The following SLC35F5 variants were observed in gnomAD, a reference collection of about 807,000 sequenced individuals.
The protein encoded by SLC35F5 is HCV NS5A-transactivated protein 3.
In SLC35F5, 54 loss-of-function variants were observed where a neutral mutation model predicts 68.6. That is an observed-to-expected ratio of 0.79 (90% confidence interval 0.63 to 0.99). SLC35F5 has a LOEUF of 0.99. SLC35F5 is among the 50% of genes least tolerant of loss of function. The pLI is 0.00. For synonymous variants in SLC35F5, 211 were observed against 205.2 expected, an observed-to-expected ratio of 1.03 and a Z score of -0.24; for missense variants, 567 against 626.9, an observed-to-expected ratio of 0.90 and a Z score of 1.02.
chr2:113,744,710 G>A (rs187109480), intron 5 of SLC35F5, among the ~76,000 whole-genome samples: 5 of 152,172 alleles, frequency 3.3e-5, no homozygotes, highest in South Asian at 2.1e-4. Flanking sequence ...CTGAGATTGC[G>A]CCACTGCACT....
At chr2:113,756,205 G>C in intron 1 of SLC35F5, 165 bp downstream of exon 1, 1 of 1,497,214 alleles carries the variant, frequency 6.7e-7, no homozygotes, top group Non-Finnish European at 8.9e-7. Context: ...GTGGGCGCAG[G>C]GCTCCGGCGC....
rs764014189 is a variant in SLC35F5, at chr2:113,729,420, C to T, written c.1071G>A (p.Leu357=). 1.9e-6 allele frequency: 3 copies of T among 1,555,938 alleles called. No individual in the cohort carries two copies. Among genetic ancestry groups the T allele is most frequent in the South Asian group, 1.2e-5 (1 of 86,484 alleles). ...TCTTACCAAAGAACATTGGAATATC[C>T]AACTTGTCTTCTCTATCTACTTTTC... ...IKRKVDREDK[L]DIPMFFGFVG... is the part of the protein sequence containing the mutation. The change falls in exon 11 of 16, where the codon TTG becomes TTA. Residue 357 remains leucine, a synonymous_variant. Coordinates refer to ENST00000245680, the MANE Select transcript of SLC35F5 (RefSeq NM_025181.5).
intron 10 of SLC35F5, 66 bp downstream of exon 10, chr2:113,731,518 A>C: frequency 7.7e-7 from 1 of 1,290,572 alleles, no homozygotes; most frequent in Non-Finnish European, 1.1e-6. Flanking sequence ...TCATCTGTGC[A>C]CATGAGCACG....
chr2:113,751,073 AAGGTTGAGGCTGCAGTG>A, intron 3 of SLC35F5, among the ~76,000 whole-genome samples: 1 of 152,260 alleles, frequency 6.6e-6, no homozygotes, highest in East Asian at 1.9e-4. Context: ...TGAGTTCACA[AAGGTTGAGGCTGCAGTG>A]AGCCATGGTC....
chr2:113,744,775 T>G (rs1471947685), intron 5 of SLC35F5, among the ~76,000 whole-genome samples: 2 of 152,098 alleles, frequency 1.3e-5, no homozygotes, highest in Admixed American at 6.6e-5. Flanking sequence ...ATATTTATAC[T>G]TTTAGAGAAT....
rs1264773232 is a variant in SLC35F5 at position 113,722,244 on chromosome 2, G to T, written c.1341+860C>A. 2.6e-5 allele frequency among the ~76,000 whole-genome samples: 4 copies of T among 152,160 alleles called. No individual in the cohort carries two copies. In the South Asian group the frequency reaches 8.3e-4, roughly 31 times the overall value. On this transcript the variant is annotated intron_variant, in intron 13 of 15. Coordinates refer to ENST00000245680, the MANE Select transcript of SLC35F5 (RefSeq NM_025181.5). ...CCTGCCTCGGCCTCCCAAGTGCTGG[G>T]ATTACAGGCGTGAGCCACTGTGCCT... is the stretch of plus-strand genomic sequence containing the variant.
intron 14 of SLC35F5, among the ~76,000 whole-genome samples, chr2:113,718,873 GAA>G (rs1687287657): frequency 3.2e-5 from 1 of 31,742 alleles, no homozygotes; most frequent in African/African-American, 9.2e-5. Flanking sequence ...GAAAAAGAAA[GAA>G]AGAAAGAAAG....
At chr2:113,736,349 G>A (rs113872285) in intron 7 of SLC35F5, among the ~76,000 whole-genome samples, 222 of 151,788 alleles carry the variant, frequency 1.5e-3, no homozygotes, top group African/African-American at 4.1e-3. Flanking sequence ...GGAGGCTGAG[G>A]TGGGAAGATT....
At chr2:113,729,956 T>A (rs2104433569) in intron 10 of SLC35F5, among the ~76,000 whole-genome samples, 2 of 152,322 alleles carry the variant, frequency 1.3e-5, no homozygotes, top group Middle Eastern at 3.4e-3. Context: ...TCTTAATATG[T>A]ATTGCACTAC....
chr2:113,721,422 C>T (rs930355523), intron 13 of SLC35F5: 2 of 153,996 alleles, frequency 1.3e-5, no homozygotes, highest in Admixed American at 6.6e-5. Flanking sequence ...TACATTTCCC[C>T]GTTTTGTCTT....
intron 11 of SLC35F5, chr2:113,725,781 A>G: frequency 2.8e-6 from 1 of 355,732 alleles, no homozygotes. Flanking sequence ...AGCAACTACT[A>G]TGGAATAAAC....
At chr2:113,750,646 C>G in intron 3 of SLC35F5, 78 bp from the exon 4 acceptor site, 1 of 1,286,476 alleles carries the variant, frequency 7.8e-7, no homozygotes. Flanking sequence ...AAAGTCACTA[C>G]ATGATTTTTA....
chr2:113,750,822 G>A (rs1405957974), intron 3 of SLC35F5, among the ~76,000 whole-genome samples: 1 of 152,218 alleles, frequency 6.6e-6, no homozygotes, highest in Non-Finnish European at 1.5e-5. Context: ...GACCTACCAC[G>A]AAACAGTGCC....
rs1686960870 is a variant in SLC35F5, at chr2:113,710,799, CA to C, written c.*4418del. The stretch of plus-strand genomic sequence containing the variant: ...AAAAAAAAAGAATTTCATCTCATGT[CA>C]AAAATAAGACTCTTGGACAGAAATC... On this transcript the variant is annotated 3_prime_UTR_variant, in exon 16 of 16. Transcript: ENST00000245680. Among the ~76,000 whole-genome samples the C allele has an allele frequency of 6.6e-6, 1 of 151,400 alleles. No individual in the cohort carries two copies. Among genetic ancestry groups the C allele is most frequent in the Non-Finnish European group, 1.5e-5 (1 of 67,888 alleles).
At chr2:113,739,261 G>A (rs1046360246) in intron 7 of SLC35F5, among the ~76,000 whole-genome samples, 1 of 151,072 alleles carries the variant, frequency 6.6e-6, no homozygotes, top group African/African-American at 2.5e-5. Flanking sequence ...TCCCATATAC[G>A]TTAAATCATC....
At chr2:113,743,015 TATC>T (rs1250594294) in intron 6 of SLC35F5, 136 bp from the exon 7 acceptor site, 7 of 756,296 alleles carry the variant, frequency 9.3e-6, no homozygotes, top group African/African-American at 8.8e-5. Context: ...AAAAGAGGTA[TATC>T]ATTACCTGAG....
chr2:113,755,960 G>A, intron 1 of SLC35F5: 1 of 1,549,676 alleles, frequency 6.5e-7, no homozygotes, highest in Non-Finnish European at 8.7e-7. Flanking sequence ...TTATCGGAGA[G>A]TAAGTGATTT....
At chr2:113,739,344 C>T (rs1252254805) in intron 7 of SLC35F5, among the ~76,000 whole-genome samples, 4 of 152,072 alleles carry the variant, frequency 2.6e-5, no homozygotes, top group East Asian at 3.9e-4. Flanking sequence ...TTATTTTTAT[C>T]GTTGTATTGC....
In SLC35F5 at chr2:113,713,373, CAA is replaced by C; in HGVS notation, c.*1843_*1844del. 1 of 151,934 alleles carries C rather than the reference CAA, an allele frequency of 6.6e-6. No homozygotes were observed. Among genetic ancestry groups the C allele is most frequent in the East Asian group, 1.9e-4 (1 of 5,142 alleles). The allele number at this position is 151,934 out of a possible 1,614,324, so 9.4% of individuals were successfully genotyped here. A position where few individuals can be genotyped will look rare whatever the true frequency, so the allele number is the denominator to read the frequency against. ...TAAGAGCACAGAACACATGAACAAC[CAA>C]AAGATTCTAAGCTCAGCCTCTTTCC... is the stretch of plus-strand genomic sequence containing the variant. On this transcript the variant is annotated 3_prime_UTR_variant, in exon 16 of 16. Transcript: ENST00000245680.
Sources: allele counts gnomAD v4.1 joint callset (sites outside exome capture counted in the v4.1 genomes callset), GRCh38; gene constraint gnomAD v4.1.1; transcripts MANE v1.5; gene names NCBI Gene and HGNC (gene_info 2026-07-23, HGNC 2026-07-21).